The following NBPF3 variants were observed in gnomAD, a reference collection of about 807,000 sequenced individuals.
NBPF3 encodes the protein NBPF member 3, also known as NBPF family member NBPF3.
A neutral mutation model predicts 78.1 loss-of-function variants in NBPF3; 57 were observed. The ratio of observed to expected loss-of-function variants is 0.73; its 90% CI spans 0.59 to 0.91. The LOEUF is 0.91. NBPF3 is among the 40% of genes least tolerant of loss of function. The probability of loss-of-function intolerance (pLI) is 0.00; values close to 1 mark genes in which losing one functional copy is unlikely to be tolerated. For missense variants in NBPF3, 510 were observed against 715.3 expected (o/e 0.71, Z 3.27); for synonymous variants, 182 against 271.7 (o/e 0.67, Z 3.25).
At chr1:21,449,671 A>G (rs1190656384) in intron 2 of NBPF3, 2 of 152,124 alleles carry the variant, frequency 1.3e-5, no homozygotes, top group Non-Finnish European at 2.9e-5. Flanking sequence ...TGGTTTCTCC[A>G]TGTTGGCCAG....
rs2148030799 is a variant in NBPF3, at chr1:21,483,961, T to C, written c.*575T>C. ...TCCTTCAGCCTCCAATTGATATCAA[T>C]ACTTAGGAAGACCACAGCTAGACGG... On this transcript the variant is annotated 3_prime_UTR_variant, in exon 15 of 15. Transcript: ENST00000318249. 1 of 153,848 alleles carries C rather than the reference T, an allele frequency of 6.5e-6. No individual in the cohort carries two copies. The highest frequency in any genetic ancestry group is 2.1e-4 in the South Asian group (1 of 4,840). 9.5% of individuals were successfully genotyped at this position (153,848 alleles called of 1,614,324 possible).
intron 1 of NBPF3, among the ~76,000 whole-genome samples, chr1:21,443,732 G>T (rs532540629): frequency 6.6e-6 from 1 of 151,980 alleles, no homozygotes; most frequent in South Asian, 2.1e-4. Flanking sequence ...TCCCACCTCA[G>T]CCTCCTTAGT....
chr1:21,460,330 C>T lies in NBPF3; in HGVS notation c.134-8358C>T, dbSNP rs1405771735. 1.3e-5 allele frequency among the ~76,000 whole-genome samples: 2 copies of T among 152,156 alleles called. No individual in the cohort carries two copies. Among genetic ancestry groups the T allele is most frequent in the Admixed American group, 6.6e-5 (1 of 15,260 alleles). ...TGTTGGTTTGCTGCACCCATTAACT[C>T]GTCATTTACATTCGGTATTTCTCCT... On this transcript the variant is annotated intron_variant, in intron 2 of 14. Coordinates refer to ENST00000318249, the MANE Select transcript of NBPF3 (RefSeq NM_032264.6). This position sits in a 1 kb window ranked among gnomAD's most constrained non-coding sequence, Gnocchi z 4.2.
At position 21,466,746 on chromosome 1, in the gene NBPF3, A is replaced by AAT. The variant is rs1304001499; in HGVS notation, c.134-1942_134-1941insAT. On this transcript the variant is annotated intron_variant, in intron 2 of 14. Coordinates refer to ENST00000318249, the MANE Select transcript of NBPF3 (RefSeq NM_032264.6). Reference sequence around the variant, plus strand: ...AGCATCACAAAAACCAAAAAAAAAAAGGAAATATGTCCAAATACATGATTT... The same window carrying AAT: ...AGCATCACAAAAACCAAAAAAAAAAAATGGAAATATGTCCAAATACATGATTT... Among the ~76,000 whole-genome samples the AAT allele has an allele frequency of 2.2e-4, 32 of 148,236 alleles. 1 individual carries two copies. Among genetic ancestry groups the AAT allele is most frequent in the African/African-American group, 7.6e-4 (31 of 40,774 alleles).
intron 8 of NBPF3, among the ~76,000 whole-genome samples, chr1:21,475,303 A>G (rs1268407055): frequency 6.6e-6 from 1 of 152,094 alleles, no homozygotes; most frequent in African/African-American, 2.4e-5. Context: ...GCCTTCTGCT[A>G]GCTTTTGAAT....
intron 3 of NBPF3, among the ~76,000 whole-genome samples, chr1:21,469,808 A>G (rs985354616): frequency 5.3e-5 from 8 of 152,234 alleles, no homozygotes; most frequent in African/African-American, 1.7e-4. Flanking sequence ...GAAGGATCGC[A>G]CCCGAGATTG....
intron 5 of NBPF3, 41 bp downstream of exon 5, chr1:21,471,824 T>TTA: frequency 6.2e-7 from 1 of 1,606,580 alleles, no homozygotes; most frequent in Non-Finnish European, 8.5e-7. Context: ...AACCCCAGGC[T>TTA]TATGAGAGAC....
upstream of NBPF3, among the ~76,000 whole-genome samples, chr1:21,436,990 C>T (rs897050817): frequency 6.6e-6 from 1 of 152,144 alleles, no homozygotes; most frequent in East Asian, 1.9e-4. The surrounding 1 kb of genome is among the most constrained non-coding windows in gnomAD (Gnocchi z 4.3). Flanking sequence ...AGGAGGTGGC[C>T]GAGAGCTCTG....
intron 10 of NBPF3, 36 bp downstream of exon 10, chr1:21,479,436 T>G: frequency 6.3e-7 from 1 of 1,586,930 alleles, no homozygotes; most frequent in Non-Finnish European, 8.6e-7. Context: ...TAATTTGATG[T>G]TGACACCTGG....
upstream of NBPF3, chr1:21,437,466 T>C: frequency 2.1e-6 from 3 of 1,448,942 alleles, no homozygotes; most frequent in Non-Finnish European, 2.8e-6. Flanking sequence ...GAGGGCACCA[T>C]GCAGGTCCAC....
chr1:21,478,430 A>G, intron 9 of NBPF3, 123 bp downstream of exon 9: 1 of 1,102,556 alleles, frequency 9.1e-7, no homozygotes, highest in Non-Finnish European at 1.4e-6. Flanking sequence ...GAACCTATAT[A>G]TCAATGTAGA....
chr1:21,473,538 A>C lies in NBPF3; in HGVS notation c.893A>C (p.Asp298Ala), dbSNP rs1486464215. ...EEDQVDSTLI[D>A]SSSHDEWLDA... ...GACCAAGTCGACTCAACTCTCATTGACTCATCCTCTCATGATGAATGGTTG... is the reference window on the plus strand; with the variant it reads ...GACCAAGTCGACTCAACTCTCATTGCCTCATCCTCTCATGATGAATGGTTG... Residue 298 changes from aspartate (D) to alanine (A), a missense_variant, in exon 7 of 15, where the codon GAC (aspartate) becomes GCC (alanine). By Grantham distance (126) the Asp-to-Ala change is moderately radical. Transcript: ENST00000318249. The C allele has an allele frequency of 6.2e-7, 1 of 1,614,070 alleles. No homozygotes were observed. The highest frequency in any genetic ancestry group is 1.7e-5 in the Admixed American group (1 of 60,016).
chr1:21,469,215 G>C (rs1478331117), intron 3 of NBPF3, among the ~76,000 whole-genome samples: 1 of 152,176 alleles, frequency 6.6e-6, no homozygotes, highest in East Asian at 1.9e-4. Flanking sequence ...TACCATATAA[G>C]ATCCGGCAGA....
intron 2 of NBPF3, among the ~76,000 whole-genome samples, chr1:21,467,884 C>G (rs1446993356): frequency 1.3e-5 from 2 of 152,206 alleles, no homozygotes; most frequent in Middle Eastern, 3.4e-3. Context: ...TCAAACTGGT[C>G]TAGAGTGTAA....
At chr1:21,439,489 CA>C (rs11343168), upstream of NBPF3, among the ~76,000 whole-genome samples, 128,387 of 147,824 alleles carry the variant, frequency 0.87, 57,930 homozygotes, top group Non-Finnish European at 0.99. Flanking sequence ...GACTCTATCT[CA>C]AAAAAAAAAA....
intron 2 of NBPF3, 25 bp from the exon 3 acceptor site, chr1:21,468,663 G>C (rs775261817): frequency 3.1e-6 from 5 of 1,611,290 alleles, no homozygotes; most frequent in Non-Finnish European, 4.2e-6. Flanking sequence ...TTAACCCATC[G>C]TGTGTTTGGG....
upstream of NBPF3, chr1:21,440,036 C>T (rs1269397800): frequency 1.3e-5 from 2 of 152,294 alleles, no homozygotes; most frequent in African/African-American, 2.4e-5. Context: ...GCCGCCGAGT[C>T]CCTTTAAGGC....
At position 21,478,258 on chromosome 1, in the gene NBPF3, C is replaced by A; in HGVS notation, c.1107C>A (p.Thr369=). 6.2e-7 allele frequency: 1 copy of A among 1,614,162 alleles called. No homozygotes were observed. The highest frequency in any genetic ancestry group is 1.1e-5 in the South Asian group (1 of 91,076). ...CCTCATACCAGTCTGACAGGAGCAC[C>A]TTTCACTCAGTAGAGGAACAGCAAG... is the stretch of plus-strand genomic sequence containing the variant. ...MSASYQSDRS[T]FHSVEEQQVG... The change falls in exon 9 of 15, where the codon ACC becomes ACA. Residue 369 remains threonine (T), a synonymous_variant. Transcript: ENST00000318249.
intron 2 of NBPF3, among the ~76,000 whole-genome samples, chr1:21,450,422 G>A (rs534704162): frequency 2.0e-5 from 3 of 152,332 alleles, no homozygotes; most frequent in African/African-American, 7.2e-5. Context: ...CATGTATGGA[G>A]TGGTGTGATT....
Sources: gnomAD v4.1 joint callset for allele counts (sites outside exome capture counted in the v4.1 genomes callset) on GRCh38, gnomAD v4.1.1 for gene constraint, Gnocchi (gnomAD v3.1) non-coding constraint, MANE v1.5 for transcripts, NCBI Gene and HGNC (gene_info 2026-07-23, HGNC 2026-07-21) for gene names.